Variants in EFNA5 observed in about 807,000 individuals in gnomAD.
EFNA5 encodes ephrin A5.
In EFNA5, 5 loss-of-function variants were observed where a neutral mutation model predicts 22.9. The ratio of observed to expected loss-of-function variants is 0.22; its 90% CI spans 0.11 to 0.46. The LOEUF (loss-of-function observed/expected upper bound fraction) is 0.46. Ranked by LOEUF, EFNA5 falls within the 20% of genes least tolerant of loss-of-function variation. The probability of loss-of-function intolerance (pLI) is 0.99; values close to 1 mark genes in which losing one functional copy is unlikely to be tolerated. For missense variants in EFNA5, 237 were observed against 293.3 expected, an observed-to-expected ratio of 0.81 and a Z score of 1.40; for synonymous variants, 113 against 112.2, an observed-to-expected ratio of 1.01 and a Z score of -0.04.
intron 1 of EFNA5, among the ~76,000 whole-genome samples, chr5:107,533,713 T>C (rs1747871040): frequency 6.6e-6 from 1 of 152,232 alleles, no homozygotes; most frequent in Non-Finnish European, 1.5e-5. Context: ...GTAGTTCCCA[T>C]ATACGGATTA....
At chr5:107,492,676 C>A (rs1316448996) in intron 1 of EFNA5, among the ~76,000 whole-genome samples, 1 of 152,204 alleles carries the variant, frequency 6.6e-6, no homozygotes, top group South Asian at 2.1e-4. Flanking sequence ...ATTAAGGATA[C>A]CTTAGGGCTC....
chr5:107,503,240 G>T (rs191219787), intron 1 of EFNA5, among the ~76,000 whole-genome samples: 3 of 152,272 alleles, frequency 2.0e-5, no homozygotes, highest in African/African-American at 7.2e-5. Context: ...ACCAGTTAAT[G>T]AAGTCATCTG....
At chr5:107,532,348 C>A (rs1476150502) in intron 1 of EFNA5, among the ~76,000 whole-genome samples, 1 of 152,208 alleles carries the variant, frequency 6.6e-6, no homozygotes, top group African/African-American at 2.4e-5. Context: ...AATAGTTAAA[C>A]AACAGCACTG....
intron 2 of EFNA5, among the ~76,000 whole-genome samples, chr5:107,393,397 T>C (rs1488878016): frequency 6.6e-6 from 1 of 152,216 alleles, no homozygotes; most frequent in East Asian, 1.9e-4. Flanking sequence ...TTCTTTCACA[T>C]TTTCAGGCCC....
chr5:107,429,153 C>G (rs1163089258), intron 1 of EFNA5, among the ~76,000 whole-genome samples: 1 of 152,190 alleles, frequency 6.6e-6, no homozygotes, highest in Non-Finnish European at 1.5e-5. Context: ...AGAAATATAC[C>G]ACCTTCTAGC....
chr5:107,604,947 T>C (rs551346546), intron 1 of EFNA5, among the ~76,000 whole-genome samples: 1 of 152,274 alleles, frequency 6.6e-6, no homozygotes, highest in South Asian at 2.1e-4. Context: ...AATCTACAAA[T>C]GGTTATCTCC....
At chr5:107,513,389 C>A (rs551570880) in intron 1 of EFNA5, among the ~76,000 whole-genome samples, 1 of 152,198 alleles carries the variant, frequency 6.6e-6, no homozygotes, top group South Asian at 2.1e-4. Context: ...GTTTCCAAAT[C>A]ATTTGCTACC....
chr5:107,416,227 T>G (rs1359275163), intron 2 of EFNA5, among the ~76,000 whole-genome samples: 1 of 152,220 alleles, frequency 6.6e-6, no homozygotes, highest in African/African-American at 2.4e-5. Flanking sequence ...CCCTATACAT[T>G]TCCCATTAGC....
chr5:107,669,226 T>G (rs187340665), intron 1 of EFNA5, among the ~76,000 whole-genome samples: 1 of 151,368 alleles, frequency 6.6e-6, no homozygotes, highest in Admixed American at 6.6e-5. Flanking sequence ...CGCCCACCGA[T>G]ACCCTCTCTC....
chr5:107,643,837 C>G (rs113816595), intron 1 of EFNA5, among the ~76,000 whole-genome samples: 107 of 151,310 alleles, frequency 7.1e-4, no homozygotes, highest in Middle Eastern at 6.8e-3. Flanking sequence ...CCCCTCAACT[C>G]TCATTAATTC....
At chr5:107,416,261 A>G (rs182667810) in intron 2 of EFNA5, among the ~76,000 whole-genome samples, 217 of 152,340 alleles carry the variant, frequency 1.4e-3, no homozygotes, top group South Asian at 6.2e-3. Context: ...GGGTCTACCT[A>G]AGTTCCAAGG....
intron 1 of EFNA5, among the ~76,000 whole-genome samples, chr5:107,550,551 A>G (rs1228603093): frequency 6.6e-6 from 1 of 152,204 alleles, no homozygotes; most frequent in East Asian, 1.9e-4. Context: ...CAGTATTGGT[A>G]TAATGGCTAA....
At chr5:107,547,755 C>T (rs976550453) in intron 1 of EFNA5, among the ~76,000 whole-genome samples, 1 of 152,068 alleles carries the variant, frequency 6.6e-6, no homozygotes, top group Admixed American at 6.6e-5. Context: ...TGAATGATTA[C>T]AAGAGGTGAC....
At chr5:107,644,725 A>G (rs1750599478) in intron 1 of EFNA5, among the ~76,000 whole-genome samples, 2 of 152,022 alleles carry the variant, frequency 1.3e-5, no homozygotes, top group Non-Finnish European at 2.9e-5. Context: ...TTTTTTTGAG[A>G]CAGTCTTGCC....
At chr5:107,437,923 C>A (rs1329754587) in intron 1 of EFNA5, among the ~76,000 whole-genome samples, 7 of 152,122 alleles carry the variant, frequency 4.6e-5, no homozygotes, top group Admixed American at 4.6e-4. Flanking sequence ...TTATGCCTAA[C>A]CAAGTAGACA....
At chr5:107,570,562 A>G (rs1268034196) in intron 1 of EFNA5, among the ~76,000 whole-genome samples, 1 of 152,138 alleles carries the variant, frequency 6.6e-6, no homozygotes, top group African/African-American at 2.4e-5. Flanking sequence ...GTCGGTGTCC[A>G]AATGGATTCA....
chr5:107,635,397 G>A (rs553439784), intron 1 of EFNA5, among the ~76,000 whole-genome samples: 18 of 152,288 alleles, frequency 1.2e-4, no homozygotes, highest in Non-Finnish European at 2.2e-4. Flanking sequence ...AAACCACCAC[G>A]AATGAAGGAA....
intron 1 of EFNA5, among the ~76,000 whole-genome samples, chr5:107,660,710 A>G (rs1266767659): frequency 6.6e-6 from 1 of 152,164 alleles, no homozygotes; most frequent in Non-Finnish European, 1.5e-5. Context: ...TATTTAAAAT[A>G]AAGTATCCCA....
At chr5:107,461,456 G>A (rs983324595) in intron 1 of EFNA5, among the ~76,000 whole-genome samples, 6 of 152,088 alleles carry the variant, frequency 3.9e-5, no homozygotes, top group Admixed American at 6.6e-5. Flanking sequence ...CCCCTAAAGA[G>A]AGGCCCAATG....
Sources: gnomAD v4.1 joint callset for allele counts (sites outside exome capture counted in the v4.1 genomes callset) on GRCh38, gnomAD v4.1.1 for gene constraint, MANE v1.5 for transcripts, NCBI Gene and HGNC (gene_info 2026-07-23, HGNC 2026-07-21) for gene names.